The following DOCK3 variants were observed in gnomAD, a reference collection of about 807,000 sequenced individuals.
DOCK3 encodes the protein dedicator of cytokinesis 3.
DOCK3 carries 60 observed loss-of-function variants against 265.6 expected under a neutral mutation model. That is an observed-to-expected ratio of 0.23 (90% CI 0.18 to 0.28). DOCK3 has a LOEUF of 0.28. Ranked by LOEUF, DOCK3 falls within the 10% of genes least tolerant of loss-of-function variation. The pLI, the probability that DOCK3 is intolerant of heterozygous loss-of-function variation, is 1.00. For missense variants in DOCK3, 1,981 were observed against 2,594.3 expected (o/e 0.76, Z 5.14); for synonymous variants, 881 against 938.0 (o/e 0.94, Z 1.11).
intron 35 of DOCK3, among the ~76,000 whole-genome samples, chr3:51,337,148 G>A (rs2084926867): frequency 6.6e-6 from 1 of 152,226 alleles, no homozygotes; most frequent in Non-Finnish European, 1.5e-5. Context: ...CTAGAAAGGA[G>A]GGCCTTGGTT....
intron 9 of DOCK3, among the ~76,000 whole-genome samples, chr3:51,094,140 T>G (rs1462783171): frequency 6.6e-6 from 1 of 152,140 alleles, no homozygotes; most frequent in Non-Finnish European, 1.5e-5. Flanking sequence ...CTTTTTTTGT[T>G]GTGTCTCTGC....
chr3:50,757,088 A>G (rs1477846906), intron 1 of DOCK3, among the ~76,000 whole-genome samples: 1 of 151,452 alleles, frequency 6.6e-6, no homozygotes, highest in Admixed American at 6.6e-5. Context: ...CCTGGGCTCA[A>G]GCAATCCATC....
chr3:50,771,715 G>A (rs993881807), intron 1 of DOCK3, among the ~76,000 whole-genome samples: 3 of 152,116 alleles, frequency 2.0e-5, no homozygotes, highest in Non-Finnish European at 2.9e-5. Flanking sequence ...GCTGGGTGTG[G>A]TGGCGGGCGC....
intron 3 of DOCK3, among the ~76,000 whole-genome samples, chr3:50,887,890 C>T (rs536899333): frequency 6.6e-6 from 1 of 152,080 alleles, no homozygotes; most frequent in Admixed American, 6.6e-5. Flanking sequence ...TTTATGAACC[C>T]ACAGCCAATG....
At chr3:50,906,956 T>C (rs1225046309) in intron 4 of DOCK3, among the ~76,000 whole-genome samples, 1 of 152,136 alleles carries the variant, frequency 6.6e-6, no homozygotes, top group Non-Finnish European at 1.5e-5. Flanking sequence ...GTATGTTGTG[T>C]CTTTGTTCTC....
intron 5 of DOCK3, among the ~76,000 whole-genome samples, chr3:50,943,450 C>G (rs1400236157): frequency 1.3e-5 from 2 of 151,874 alleles, no homozygotes; most frequent in Non-Finnish European, 2.9e-5. Flanking sequence ...AATTTATGTA[C>G]AGATTATATG....
rs748461367 is a variant in DOCK3 at position 50,678,644 on chromosome 3, A to AT, written c.37+3356dup. Among the ~76,000 whole-genome samples the AT allele has an allele frequency of 8.0e-3, 1,167 of 146,572 alleles. 7 individuals are homozygous for AT. The highest frequency in any genetic ancestry group is 0.011 in the Non-Finnish European group (744 of 66,098). On this transcript the variant is annotated intron_variant, in intron 1 of 52. Coordinates refer to ENST00000266037, the MANE Select transcript of DOCK3 (RefSeq NM_004947.5). Reference sequence around the variant, plus strand: ...TTTATTCTGCTGCTGTCATTAGGCAATTTTTTTTTTTTGAGAGGTGGGGTC... The same window carrying AT: ...TTTATTCTGCTGCTGTCATTAGGCAATTTTTTTTTTTTTGAGAGGTGGGGTC...
chr3:50,943,156 G>A (rs1248772381), intron 5 of DOCK3, among the ~76,000 whole-genome samples: 1 of 152,040 alleles, frequency 6.6e-6, no homozygotes, highest in East Asian at 1.9e-4. Context: ...TAATGCTAAA[G>A]GTGAAAGTAT....
chr3:50,919,322 T>C (rs2050303524), intron 4 of DOCK3, among the ~76,000 whole-genome samples: 1 of 152,214 alleles, frequency 6.6e-6, no homozygotes, highest in Non-Finnish European at 1.5e-5. Flanking sequence ...GGGGATAGCA[T>C]TGAATCTATA....
chr3:51,265,205 A>T (rs1159492699), intron 23 of DOCK3, among the ~76,000 whole-genome samples: 3 of 152,208 alleles, frequency 2.0e-5, no homozygotes, highest in Non-Finnish European at 4.4e-5. Flanking sequence ...TTGAGGTAGA[A>T]ATTAGCAGCG....
intron 3 of DOCK3, among the ~76,000 whole-genome samples, chr3:50,888,076 GT>G (rs2048434655): frequency 6.6e-6 from 1 of 152,132 alleles, no homozygotes; most frequent in South Asian, 2.1e-4. Flanking sequence ...AATTGTCCCT[GT>G]TTGCAGATGA....
At chr3:50,728,211 G>C (rs2037954585) in intron 1 of DOCK3, among the ~76,000 whole-genome samples, 1 of 152,118 alleles carries the variant, frequency 6.6e-6, no homozygotes, top group Non-Finnish European at 1.5e-5. Context: ...GAGGAAATTA[G>C]AAAATATTTT....
intron 5 of DOCK3, among the ~76,000 whole-genome samples, chr3:50,980,964 C>T (rs1357071386): frequency 6.6e-6 from 1 of 151,902 alleles, no homozygotes; most frequent in Non-Finnish European, 1.5e-5. Flanking sequence ...TAGCCCTGCT[C>T]TCATTTTTAT....
At chr3:50,778,895 A>G (rs1225794394) in intron 2 of DOCK3, 137 bp downstream of exon 2, 5 of 571,956 alleles carry the variant, frequency 8.7e-6, no homozygotes, top group Non-Finnish European at 1.5e-5. Context: ...GTTATATAAA[A>G]TTCTTCCTGA....
At chr3:51,211,835 C>G (rs1049737459) in intron 13 of DOCK3, among the ~76,000 whole-genome samples, 1 of 152,150 alleles carries the variant, frequency 6.6e-6, no homozygotes, top group African/African-American at 2.4e-5. Flanking sequence ...GTGCATGTGT[C>G]TTTATAGAAG....
chr3:50,791,258 C>CTTTTTTTTTTTTTTTTTTTTTTTTTT (rs34015684), intron 2 of DOCK3, among the ~76,000 whole-genome samples: 2 of 62,782 alleles, frequency 3.2e-5, no homozygotes, highest in African/African-American at 1.2e-4. Context: ...TTAAATCTAT[C>CTTTTTTTTTTTTTTTTTTTTTTTTTT]TTTTTTTTTT....
intron 1 of DOCK3, among the ~76,000 whole-genome samples, chr3:50,711,818 C>CT (rs1286489226): frequency 2.0e-5 from 3 of 151,654 alleles, no homozygotes; most frequent in Admixed American, 1.3e-4. Flanking sequence ...CTGGGCTGTG[C>CT]TTTTTTTTGT....
chr3:51,233,927 G>T (rs1378733824), intron 19 of DOCK3, among the ~76,000 whole-genome samples: 1 of 152,134 alleles, frequency 6.6e-6, no homozygotes, highest in Admixed American at 6.5e-5. Flanking sequence ...AGTGAACATG[G>T]AAGTGCAGAC....
intron 1 of DOCK3, among the ~76,000 whole-genome samples, chr3:50,766,574 A>T (rs1324907108): frequency 6.6e-6 from 1 of 152,124 alleles, no homozygotes; most frequent in Non-Finnish European, 1.5e-5. Context: ...ATAGTGCCGC[A>T]ATAAACATAT....
Sources: gnomAD v4.1 joint callset for allele counts (sites outside exome capture counted in the v4.1 genomes callset) on GRCh38, gnomAD v4.1.1 for gene constraint, MANE v1.5 for transcripts, NCBI Gene and HGNC (gene_info 2026-07-23, HGNC 2026-07-21) for gene names.